The following KLHL1 variants were observed in gnomAD, a reference collection of about 807,000 sequenced individuals.
KLHL1 encodes kelch like family member 1, also known as kelch-like protein 1.
In KLHL1, 47 loss-of-function variants were observed where a neutral mutation model predicts 77.7. The ratio of observed to expected loss-of-function variants is 0.60; its 90% CI spans 0.48 to 0.77. The LOEUF (loss-of-function observed/expected upper bound fraction) is 0.77. KLHL1 is among the 30% of genes least tolerant of loss of function. KLHL1 has a pLI of 0.00. For synonymous variants in KLHL1, 360 were observed against 325.2 expected, an observed-to-expected ratio of 1.11 and a Z score of -1.15; for missense variants, 925 against 910.8, an observed-to-expected ratio of 1.02 and a Z score of -0.20.
At chr13:69,817,789 G>A (rs934764041) in intron 6 of KLHL1, among the ~76,000 whole-genome samples, 3 of 152,130 alleles carry the variant, frequency 2.0e-5, no homozygotes, top group African/African-American at 7.2e-5. Flanking sequence ...TGATCAAAAA[G>A]AATGTACTGA....
intron 4 of KLHL1, among the ~76,000 whole-genome samples, chr13:69,909,323 T>C (rs1882156443): frequency 6.6e-6 from 1 of 151,822 alleles, no homozygotes; most frequent in African/African-American, 2.4e-5. Context: ...GGGATCTACA[T>C]TCATATAAAT....
chr13:70,092,324 T>C (rs1887688281), intron 1 of KLHL1, among the ~76,000 whole-genome samples: 1 of 152,316 alleles, frequency 6.6e-6, no homozygotes, highest in African/African-American at 2.4e-5. Context: ...CACTCATCTC[T>C]TCTACGCTGA....
rs1386766244 is a variant in KLHL1, at chr13:70,073,523, G to A, written c.497+33680C>T. 4.0e-5 allele frequency among the ~76,000 whole-genome samples: 6 copies of A among 150,686 alleles called. No homozygotes were observed. In the East Asian group the frequency reaches 8.0e-4, roughly 20 times the overall value. Reference sequence around the variant, plus strand: ...GTGTACATATGTAACAAGCCTGCACGTTGTGCACATGTACCCTAAAACTTA... The same window carrying A: ...GTGTACATATGTAACAAGCCTGCACATTGTGCACATGTACCCTAAAACTTA... On this transcript the variant is annotated intron_variant, in intron 1 of 10. Coordinates refer to ENST00000377844, the MANE Select transcript of KLHL1 (RefSeq NM_020866.3).
chr13:69,962,777 G>A (rs1007332484), intron 2 of KLHL1, among the ~76,000 whole-genome samples: 4 of 92,210 alleles, frequency 4.3e-5, no homozygotes, highest in African/African-American at 1.6e-4. Flanking sequence ...TTTAATCAAG[G>A]CTATAGTAGC....
At chr13:69,702,598 A>T (rs1412818783) in intron 10 of KLHL1, among the ~76,000 whole-genome samples, 2 of 151,722 alleles carry the variant, frequency 1.3e-5, no homozygotes, top group Admixed American at 6.6e-5. Flanking sequence ...CACATGCATT[A>T]TCTTATTGAT....
chr13:69,831,225 G>T (rs535420259), intron 6 of KLHL1, among the ~76,000 whole-genome samples: 1 of 150,078 alleles, frequency 6.7e-6, no homozygotes, highest in African/African-American at 2.5e-5. Context: ...AAAGAAGAGA[G>T]AAGATCAAAA....
intron 4 of KLHL1, among the ~76,000 whole-genome samples, chr13:69,911,107 G>T (rs1882221818): frequency 6.6e-6 from 1 of 151,990 alleles, no homozygotes. Context: ...TAATCAGTCT[G>T]TCTTTCTCTC....
intron 1 of KLHL1, among the ~76,000 whole-genome samples, chr13:70,066,944 C>T (rs1378426828): frequency 2.6e-5 from 4 of 152,088 alleles, no homozygotes; most frequent in South Asian, 2.1e-4. Context: ...GTTTTCTTTA[C>T]GATTCCAGGA....
At chr13:69,899,018 ATTTT>A (rs4053609) in intron 4 of KLHL1, among the ~76,000 whole-genome samples, 24 of 146,126 alleles carry the variant, frequency 1.6e-4, no homozygotes, top group African/African-American at 5.0e-4. Context: ...AAAATTACAC[ATTTT>A]TTTTTTTTTT....
intron 7 of KLHL1, among the ~76,000 whole-genome samples, chr13:69,756,853 C>G (rs978605711): frequency 6.6e-6 from 1 of 152,068 alleles, no homozygotes; most frequent in East Asian, 1.9e-4. Flanking sequence ...AGTTAATAAA[C>G]CCCCTTTGTC....
At chr13:70,077,824 A>C (rs537933341) in intron 1 of KLHL1, among the ~76,000 whole-genome samples, 102 of 152,086 alleles carry the variant, frequency 6.7e-4, no homozygotes, top group Non-Finnish European at 1.3e-3. Flanking sequence ...AAAAGTTAAG[A>C]AAAATAATAT....
At chr13:70,013,929 G>T (rs1229143370) in intron 1 of KLHL1, among the ~76,000 whole-genome samples, 1 of 152,044 alleles carries the variant, frequency 6.6e-6, no homozygotes, top group Non-Finnish European at 1.5e-5. Flanking sequence ...ATACCTTAAT[G>T]TTTACAACTG....
chr13:69,823,675 T>G (rs1381984440), intron 6 of KLHL1, among the ~76,000 whole-genome samples: 1 of 151,990 alleles, frequency 6.6e-6, no homozygotes, highest in Non-Finnish European at 1.5e-5. Flanking sequence ...AAATACAAAA[T>G]AAGTAATTAA....
chr13:69,852,744 A>C (rs1435449589), intron 5 of KLHL1, among the ~76,000 whole-genome samples: 1 of 152,048 alleles, frequency 6.6e-6, no homozygotes, highest in Non-Finnish European at 1.5e-5. Context: ...GCAAGTCAAT[A>C]AGGGATTAAA....
At chr13:69,703,760 A>G (rs1167371107) in intron 10 of KLHL1, among the ~76,000 whole-genome samples, 6 of 151,682 alleles carry the variant, frequency 4.0e-5, no homozygotes, top group Non-Finnish European at 7.4e-5. Context: ...TTCTGTTGCA[A>G]TTACCTAGAA....
chr13:69,788,599 C>T (rs191943798), intron 7 of KLHL1, among the ~76,000 whole-genome samples: 1 of 152,158 alleles, frequency 6.6e-6, no homozygotes, highest in East Asian at 1.9e-4. Context: ...CAACATGGCA[C>T]ATGTATGCAT....
rs200400075 is a variant in KLHL1, at chr13:69,789,095, ACCTATG to A, written c.1639+7637_1639+7642del. 1.1e-3 allele frequency among the ~76,000 whole-genome samples: 169 copies of A among 152,132 alleles called. 4 individuals are homozygous for A. The East Asian group carries it at 0.014, about 13-fold the overall frequency. On this transcript the variant is annotated intron_variant, in intron 7 of 10. Coordinates refer to ENST00000377844, the MANE Select transcript of KLHL1 (RefSeq NM_020866.3). ...TTTACCTACATATCCATCTGTCTATACCTATGCCTATATTAAAATCTGTATCTATCC... is the reference window on the plus strand; with the variant it reads ...TTTACCTACATATCCATCTGTCTATACCTATATTAAAATCTGTATCTATCC...
chr13:69,901,787 CT>C lies in KLHL1; in HGVS notation c.1015-19293del, dbSNP rs1237100844. ...TGAGTTTTTCATTTTCTTTCTTTTT[CT>C]TTTTTTCTTTTTTTTTTTTTTTTTC... On this transcript the variant is annotated intron_variant, in intron 4 of 10. Transcript: ENST00000377844. 5.0e-5 allele frequency among the ~76,000 whole-genome samples: 4 copies of C among 80,146 alleles called. 1 individual carries two copies. The highest frequency in any genetic ancestry group is 1.6e-4 in the African/African-American group (4 of 25,480). 52.6% of individuals were successfully genotyped at this position (80,146 alleles called of 152,430 possible).
intron 1 of KLHL1, among the ~76,000 whole-genome samples, chr13:70,092,047 T>C (rs930176136): frequency 6.6e-6 from 1 of 152,124 alleles, no homozygotes; most frequent in Admixed American, 6.6e-5. Context: ...CCTTCAGTCA[T>C]ACAGCCACCA....
Sources: gnomAD v4.1 joint callset for allele counts (sites outside exome capture counted in the v4.1 genomes callset) on GRCh38, gnomAD v4.1.1 for gene constraint, MANE v1.5 for transcripts, NCBI Gene and HGNC (gene_info 2026-07-23, HGNC 2026-07-21) for gene names.